CAMSAP2: variants seen among roughly 807,000 people sequenced by gnomAD.
The protein encoded by CAMSAP2 is calmodulin regulated spectrin associated protein family member 2, also known as calmodulin-regulated spectrin-associated protein 2.
A neutral mutation model predicts 146.1 loss-of-function variants in CAMSAP2; 26 were observed. The observed-to-expected ratio is 0.18, with a 90% CI of 0.13 to 0.25. CAMSAP2 has a LOEUF of 0.25. Among genes scored for constraint, CAMSAP2 ranks in the 10% least tolerant of loss-of-function variants. CAMSAP2 has a pLI of 1.00. For synonymous variants in CAMSAP2, 499 were observed against 596.6 expected, an observed-to-expected ratio of 0.84 and a Z score of 2.38; for missense variants, 1,381 against 1,759.3, an observed-to-expected ratio of 0.78 and a Z score of 3.85.
At position 200,857,713 on chromosome 1, in the gene CAMSAP2, T is replaced by G; in HGVS notation, c.4132-41T>G. On this transcript the variant is annotated intron_variant, in intron 16 of 16. Coordinates refer to ENST00000358823, the MANE Select transcript of CAMSAP2 (RefSeq NM_203459.4). The surrounding 1 kb of genome is among the most constrained non-coding windows in gnomAD (Gnocchi z 4.7). Reference sequence around the variant, plus strand: ...CTTTATTCAGCAAAATAAAGGGTTTTTATTCGTGTTGTTATGTTGTTTTTG... The same window carrying G: ...CTTTATTCAGCAAAATAAAGGGTTTGTATTCGTGTTGTTATGTTGTTTTTG... 1 of 1,481,892 alleles carries G rather than the reference T, an allele frequency of 6.7e-7. No homozygotes were observed. Among genetic ancestry groups the G allele is most frequent in the Non-Finnish European group, 9.1e-7 (1 of 1,100,226 alleles). 91.8% of individuals were successfully genotyped at this position (1,481,892 alleles called of 1,614,324 possible).
At chr1:200,782,565 A>G (rs145862485) in intron 2 of CAMSAP2, among the ~76,000 whole-genome samples, 36 of 151,702 alleles carry the variant, frequency 2.4e-4, no homozygotes, top group African/African-American at 8.7e-4. Context: ...AACTGCACGA[A>G]CTCTTTTTTT....
intron 6 of CAMSAP2, among the ~76,000 whole-genome samples, chr1:200,835,760 G>C (rs1490084279): frequency 1.3e-5 from 2 of 152,014 alleles, no homozygotes; most frequent in Admixed American, 6.6e-5. Context: ...ATTAATTTCT[G>C]TTAGTACCAG....
intron 1 of CAMSAP2, among the ~76,000 whole-genome samples, chr1:200,742,144 T>G (rs549251262): frequency 2.0e-5 from 3 of 152,376 alleles, no homozygotes; most frequent in African/African-American, 7.2e-5. Flanking sequence ...ATTAAACATC[T>G]GGCAAGTGAT....
chr1:200,821,513 TTC>T (rs1666764262), intron 4 of CAMSAP2, among the ~76,000 whole-genome samples: 1 of 152,118 alleles, frequency 6.6e-6, no homozygotes. Flanking sequence ...TTTCTTCTTC[TTC>T]TTTTTTTTAA....
intron 2 of CAMSAP2, among the ~76,000 whole-genome samples, chr1:200,784,519 A>G (rs1665531161): frequency 6.6e-6 from 1 of 151,986 alleles, no homozygotes; most frequent in African/African-American, 2.4e-5. Flanking sequence ...CATATTTTTG[A>G]TTTGGAATTG....
chr1:200,789,304 T>A (rs890877520), intron 2 of CAMSAP2, among the ~76,000 whole-genome samples: 1 of 152,206 alleles, frequency 6.6e-6, no homozygotes, highest in African/African-American at 2.4e-5. Flanking sequence ...AGAAGTTTTA[T>A]AGTTTTGTTG....
intron 4 of CAMSAP2, among the ~76,000 whole-genome samples, chr1:200,816,319 G>A (rs201543194): frequency 2.0e-5 from 3 of 150,026 alleles, no homozygotes; most frequent in South Asian, 2.1e-4. Flanking sequence ...AGGGCCAGGC[G>A]TGGTGGCTCA....
chr1:200,749,215 G>T (rs1167952615), intron 1 of CAMSAP2, among the ~76,000 whole-genome samples: 1 of 152,212 alleles, frequency 6.6e-6, no homozygotes, highest in Non-Finnish European at 1.5e-5. Flanking sequence ...CAGGACCAGA[G>T]CTGAGGTTTG....
chr1:200,846,246 A>G (rs934663573), intron 8 of CAMSAP2, among the ~76,000 whole-genome samples: 2 of 152,240 alleles, frequency 1.3e-5, no homozygotes, highest in African/African-American at 4.8e-5. Context: ...TCAGTGTTCT[A>G]GGTCATCACT....
chr1:200,765,617 GA>G (rs966170558), intron 2 of CAMSAP2, among the ~76,000 whole-genome samples: 1 of 151,598 alleles, frequency 6.6e-6, no homozygotes, highest in African/African-American at 2.4e-5. Flanking sequence ...AGAAAACTGG[GA>G]AAAAAAACTA....
At chr1:200,786,251 CTTT>C (rs1665586236) in intron 2 of CAMSAP2, among the ~76,000 whole-genome samples, 1 of 151,594 alleles carries the variant, frequency 6.6e-6, no homozygotes, top group African/African-American at 2.4e-5. Context: ...GATTTCTGTT[CTTT>C]ATTATTTCTT....
At chr1:200,778,282 T>C (rs758403498) in intron 2 of CAMSAP2, among the ~76,000 whole-genome samples, 3 of 152,206 alleles carry the variant, frequency 2.0e-5, no homozygotes. Flanking sequence ...TCAGAATTAT[T>C]ACTAAGAGAG....
chr1:200,832,011 A>G lies in CAMSAP2; in HGVS notation c.646-189A>G. ...ATATTAAGTATTGAGCTTCAAAACT[A>G]TAGCTATTGTTGCCGTGTATTTAAC... On this transcript the variant is annotated intron_variant, in intron 4 of 16. Coordinates refer to ENST00000358823, the MANE Select transcript of CAMSAP2 (RefSeq NM_203459.4). The surrounding 1 kb of genome is among the most constrained non-coding windows in gnomAD (Gnocchi z 4.2). 5.6e-6 allele frequency: 3 copies of G among 532,654 alleles called. No homozygotes were observed. Among genetic ancestry groups the G allele is most frequent in the Non-Finnish European group, 9.9e-6 (3 of 302,808 alleles). The allele number at this position is 532,654 out of a possible 1,614,324, so 33.0% of individuals were successfully genotyped here.
Position 200,761,268 on chromosome 1 carries a change from C to T in CAMSAP2, c.399+170C>T, listed in dbSNP as rs142220729. On this transcript the variant is annotated intron_variant, in intron 2 of 16. Transcript: ENST00000358823. The stretch of plus-strand genomic sequence containing the variant: ...GTTTCCAAATGAAGGAAGATTTTAA[C>T]GATTTTGGAATGTTTGGTGCCATCT... Among the ~76,000 whole-genome samples, 886 of 152,292 alleles carry T rather than the reference C, an allele frequency of 5.8e-3. 6 individuals are homozygous for T. Among genetic ancestry groups the T allele is most frequent in the Non-Finnish European group, 9.3e-3 (632 of 68,036 alleles).
chr1:200,760,321 A>G (rs1664765791), intron 1 of CAMSAP2, among the ~76,000 whole-genome samples: 1 of 152,146 alleles, frequency 6.6e-6, no homozygotes, highest in Non-Finnish European at 1.5e-5. Context: ...ATGAAGGGAG[A>G]GACGGCAGAG....
At chr1:200,743,153 T>A (rs1032669592) in intron 1 of CAMSAP2, among the ~76,000 whole-genome samples, 1 of 152,230 alleles carries the variant, frequency 6.6e-6, no homozygotes, top group Non-Finnish European at 1.5e-5. Context: ...GCAAAGATTT[T>A]ACAGAATTTT....
At position 200,768,071 on chromosome 1, in the gene CAMSAP2, T is replaced by G. The variant is rs80300313; in HGVS notation, c.399+6973T>G. On this transcript the variant is annotated intron_variant, in intron 2 of 16. Transcript: ENST00000358823. Reference sequence around the variant, plus strand: ...CATTTATTAATTTATTTAAGGAGCTTCTGCATTGTCCTTTGTATTTTCTAC... The same window carrying G: ...CATTTATTAATTTATTTAAGGAGCTGCTGCATTGTCCTTTGTATTTTCTAC... Among the ~76,000 whole-genome samples the G allele has an allele frequency of 7.4e-3, 1,131 of 152,332 alleles. 12 individuals are homozygous for G. Among genetic ancestry groups the G allele is most frequent in the Middle Eastern group, 0.044 (13 of 294 alleles).
At chr1:200,842,622 G>A (rs1667352767) in intron 7 of CAMSAP2, among the ~76,000 whole-genome samples, 1 of 152,122 alleles carries the variant, frequency 6.6e-6, no homozygotes, top group African/African-American at 2.4e-5. Context: ...TAAATTTTCT[G>A]TAAAGCAAAA....
At chr1:200,771,592 G>A (rs543585068) in intron 2 of CAMSAP2, among the ~76,000 whole-genome samples, 32 of 152,198 alleles carry the variant, frequency 2.1e-4, no homozygotes, top group Admixed American at 6.5e-4. Context: ...TTGGGGAGGT[G>A]GATAATTCCT....
Sources: gnomAD v4.1 joint callset for allele counts (sites outside exome capture counted in the v4.1 genomes callset) on GRCh38, gnomAD v4.1.1 for gene constraint, Gnocchi (gnomAD v3.1) non-coding constraint, MANE v1.5 for transcripts, NCBI Gene and HGNC (gene_info 2026-07-23, HGNC 2026-07-21) for gene names.